The following MPHOSPH9 variants were observed in gnomAD, a reference collection of about 807,000 sequenced individuals.
MPHOSPH9 encodes the protein M-phase phosphoprotein 9.
A neutral mutation model predicts 145.5 loss-of-function variants in MPHOSPH9; 88 were observed. That is an observed-to-expected ratio of 0.60 (90% confidence interval 0.51 to 0.72). The LOEUF is 0.72. Ranked by LOEUF, MPHOSPH9 falls within the 30% of genes least tolerant of loss-of-function variation. MPHOSPH9 has a pLI of 0.00. For missense variants in MPHOSPH9, 1,238 were observed against 1,386.6 expected (o/e 0.89, Z 1.70); for synonymous variants, 435 against 486.2 (o/e 0.89, Z 1.39).
At chr12:123,201,900 T>C (rs575646812) in intron 11 of MPHOSPH9, among the ~76,000 whole-genome samples, 2 of 152,198 alleles carry the variant, frequency 1.3e-5, no homozygotes, top group Non-Finnish European at 2.9e-5. Flanking sequence ...AAGTCCATAG[T>C]ACTGCTCCTC....
chr12:123,193,071 CAAAAAAAAAA>C (rs768866302), intron 13 of MPHOSPH9, among the ~76,000 whole-genome samples: 27 of 29,592 alleles, frequency 9.1e-4, no homozygotes, highest in South Asian at 2.9e-3. Context: ...GATTGTCTTT[CAAAAAAAAAA>C]AAAAAAAAAA....
downstream of MPHOSPH9, chr12:123,152,446 G>A (rs2043793874): frequency 5.1e-6 from 2 of 388,796 alleles, no homozygotes; most frequent in South Asian, 3.8e-5. Flanking sequence ...ACTGCAGCAA[G>A]CACTTGTCTA....
intron 11 of MPHOSPH9, among the ~76,000 whole-genome samples, chr12:123,201,178 C>G (rs1441268245): frequency 2.0e-5 from 3 of 152,106 alleles, no homozygotes; most frequent in Non-Finnish European, 4.4e-5. Flanking sequence ...ACCACAGCAA[C>G]CAAAACTACT....
rs2138052325 is a variant in MPHOSPH9, at chr12:123,176,803, AATAAAG to A, written c.2355-20_2355-15del. 1 of 1,560,436 alleles carries A rather than the reference AATAAAG, an allele frequency of 6.4e-7. No individual in the cohort carries two copies. On this transcript the variant is annotated splice_polypyrimidine_tract_variant and intron_variant, in intron 15 of 23. Coordinates refer to ENST00000606320, the MANE Select transcript of MPHOSPH9 (RefSeq NM_022782.4). ...TTTGAAATCATTCTAATTCAAAAGCAATAAAGATAAATTAAGTACATTTCAACAAAT... is the reference window on the plus strand; with the variant it reads ...TTTGAAATCATTCTAATTCAAAAGCAATAAATTAAGTACATTTCAACAAAT...
rs547973039 is a variant in MPHOSPH9, at chr12:123,190,418, G to A, written c.2241+3968C>T. ...ACCTGCCTTGGCCTCCCAAAGTACT[G>A]GGATTACAGGTGCAAGCCACCACAC... is the stretch of plus-strand genomic sequence containing the variant. On this transcript the variant is annotated intron_variant, in intron 13 of 23. Coordinates refer to ENST00000606320, the MANE Select transcript of MPHOSPH9 (RefSeq NM_022782.4). Among the ~76,000 whole-genome samples the A allele has an allele frequency of 2.0e-5, 3 of 152,196 alleles. No homozygotes were observed. The South Asian group carries it at 6.2e-4, about 32-fold the overall frequency.
At chr12:123,192,767 C>G (rs2045745398) in intron 13 of MPHOSPH9, among the ~76,000 whole-genome samples, 1 of 151,060 alleles carries the variant, frequency 6.6e-6, no homozygotes, top group Non-Finnish European at 1.5e-5. Context: ...TTTTAAGACA[C>G]CATTGATTAT....
intron 10 of MPHOSPH9, 143 bp downstream of exon 10, chr12:123,202,481 A>G: frequency 8.4e-7 from 1 of 1,185,740 alleles, no homozygotes; most frequent in Admixed American, 2.8e-5. Context: ...TTAACAATCA[A>G]GTGAAAAAGT....
At chr12:123,171,454 A>AAACAAACAAACAAAC (rs1555217934) in intron 16 of MPHOSPH9, among the ~76,000 whole-genome samples, 2 of 150,670 alleles carry the variant, frequency 1.3e-5, no homozygotes, top group South Asian at 2.1e-4. Context: ...CTTTGTCTCT[A>AAACAAACAAACAAAC]AAATAAAATA....
chr12:123,219,716 A>C (rs1455913522), intron 5 of MPHOSPH9, among the ~76,000 whole-genome samples: 1 of 152,200 alleles, frequency 6.6e-6, no homozygotes, highest in Non-Finnish European at 1.5e-5. Context: ...TTGAACATAC[A>C]TAAGATTTGT....
intron 8 of MPHOSPH9, among the ~76,000 whole-genome samples, chr12:123,205,357 C>A (rs1015180061): frequency 2.0e-5 from 3 of 152,130 alleles, no homozygotes; most frequent in African/African-American, 4.8e-5. Context: ...ACCGGCCTGG[C>A]CAATATGGTG....
chr12:123,162,463 G>A (rs1196188367), intron 20 of MPHOSPH9: 3 of 261,166 alleles, frequency 1.1e-5, no homozygotes, highest in African/African-American at 6.6e-5. Context: ...AAAACCTTAT[G>A]AAATAAGCAG....
chr12:123,193,994 C>G (rs1345393222), intron 13 of MPHOSPH9, among the ~76,000 whole-genome samples: 2 of 152,174 alleles, frequency 1.3e-5, no homozygotes, highest in Non-Finnish European at 2.9e-5. Context: ...AAAGGCCGGA[C>G]ATAGTGGCTG....
intron 3 of MPHOSPH9, among the ~76,000 whole-genome samples, chr12:123,224,984 A>T (rs545072629): frequency 2.6e-5 from 4 of 152,202 alleles, no homozygotes; most frequent in Admixed American, 6.5e-5. Context: ...CCTGACATGG[A>T]TATATCCAAA....
chr12:123,224,110 T>TTTTATATATATATATATATA lies in MPHOSPH9; in HGVS notation c.259-984_259-983insTATATATATATATATATAAA, dbSNP rs1555231852. 8.3e-5 allele frequency among the ~76,000 whole-genome samples: 10 copies of TTTTATATATATATATATATA among 120,412 alleles called. 2 individuals are homozygous for TTTTATATATATATATATATA. In the East Asian group the frequency reaches 2.3e-3, roughly 28 times the overall value. 79.0% of individuals were successfully genotyped at this position (120,412 alleles called of 152,430 possible). A position where few individuals can be genotyped will look rare whatever the true frequency, so the allele number is the denominator to read the frequency against. On this transcript the variant is annotated intron_variant, in intron 3 of 23. Coordinates refer to ENST00000606320, the MANE Select transcript of MPHOSPH9 (RefSeq NM_022782.4). Reference sequence around the variant, plus strand: ...TCACCATGTTCGGCTAATTGCTAATTTATATATATATATATACACATTTTT... The same window carrying TTTTATATATATATATATATA: ...TCACCATGTTCGGCTAATTGCTAATTTTTATATATATATATATATATATATATATATATATACACATTTTT...
intron 7 of MPHOSPH9, among the ~76,000 whole-genome samples, chr12:123,211,484 C>T (rs1297228600): frequency 6.6e-6 from 1 of 151,654 alleles, no homozygotes; most frequent in African/African-American, 2.4e-5. Context: ...CCACAAGAAG[C>T]TGGGACTACA....
At chr12:123,237,185 T>C (rs888177563), upstream of MPHOSPH9, among the ~76,000 whole-genome samples, 4 of 151,538 alleles carry the variant, frequency 2.6e-5, no homozygotes, top group African/African-American at 4.9e-5. Flanking sequence ...GGCCAGGCAC[T>C]GTGGCTCACG....
intron 16 of MPHOSPH9, among the ~76,000 whole-genome samples, chr12:123,168,220 C>T (rs1206169013): frequency 2.6e-5 from 4 of 152,138 alleles, no homozygotes; most frequent in South Asian, 2.1e-4. Context: ...CTACAAAGGC[C>T]GCGCTTCAGG....
intron 1 of MPHOSPH9, among the ~76,000 whole-genome samples, chr12:123,243,152 C>G (rs2047969451): frequency 1.3e-5 from 2 of 152,134 alleles, no homozygotes; most frequent in African/African-American, 4.8e-5. Context: ...GTTTTTAAAG[C>G]ACCACTTTCC....
intron 14 of MPHOSPH9, 138 bp downstream of exon 14, chr12:123,181,025 A>AG (rs1236935653): frequency 1.2e-5 from 9 of 759,320 alleles, no homozygotes; most frequent in Non-Finnish European, 2.1e-5. Context: ...ATACTGAAAC[A>AG]GGATAAGCAA....
Sources: gnomAD v4.1 joint callset for allele counts (sites outside exome capture counted in the v4.1 genomes callset) on GRCh38, gnomAD v4.1.1 for gene constraint, MANE v1.5 for transcripts, NCBI Gene and HGNC (gene_info 2026-07-23, HGNC 2026-07-21) for gene names.